The following NOC4L variants were observed in gnomAD, a reference collection of about 807,000 sequenced individuals.
NOC4L encodes nucleolar complex protein 4 homolog.
NOC4L carries 40 observed loss-of-function variants against 62.8 expected under a neutral mutation model. The observed-to-expected ratio is 0.64, with a 90% CI of 0.49 to 0.83. The LOEUF is 0.83. Ranked by LOEUF, NOC4L falls within the 40% of genes least tolerant of loss-of-function variation. The pLI is 0.00. For synonymous variants in NOC4L, 433 were observed against 299.8 expected (o/e 1.44, Z -4.59); for missense variants, 927 against 701.9 (o/e 1.32, Z -3.62).
chr12:132,144,784 T>TG, intron 1 of NOC4L, 70 bp from the exon 2 acceptor site: 1 of 1,534,540 alleles, frequency 6.5e-7, no homozygotes, highest in South Asian at 1.2e-5. Flanking sequence ...GGGAACGGGT[T>TG]GGGGGCAGCC....
Position 132,151,314 on chromosome 12 carries a change from A to T in NOC4L, c.1019A>T (p.His340Leu), listed in dbSNP as rs1213744628. The T allele has an allele frequency of 2.5e-6, 4 of 1,611,498 alleles. No homozygotes were observed. Among genetic ancestry groups the T allele is most frequent in the Non-Finnish European group, 3.4e-6 (4 of 1,179,898 alleles). The change falls in exon 11 of 15, where the codon CAC becomes CTC. Residue 340 changes from histidine (H) to leucine (L), a missense_variant. Coordinates refer to ENST00000330579, the MANE Select transcript of NOC4L (RefSeq NM_024078.3). ...LYGLLDPSVF[H>L]VKYRARFFHL... Reference sequence around the variant, plus strand: ...GGCCTCTTGGACCCCTCTGTCTTTCACGTCAAGTACCGCGCCCGCTTCTTC... The same window carrying T: ...GGCCTCTTGGACCCCTCTGTCTTTCTCGTCAAGTACCGCGCCCGCTTCTTC...
chr12:132,148,737 G>GGCC, intron 8 of NOC4L, 47 bp from the exon 9 acceptor site: 2 of 1,181,232 alleles, frequency 1.7e-6, no homozygotes, highest in South Asian at 3.2e-5. Context: ...CGACCCGCCG[G>GGCC]CCCCCGCCCA....
chr12:132,145,181 A>G (rs1269882752), intron 2 of NOC4L, among the ~76,000 whole-genome samples: 2 of 152,124 alleles, frequency 1.3e-5, no homozygotes, highest in African/African-American at 2.4e-5. Context: ...AACACTGGAC[A>G]AGGTACGACT....
rs182330594 is a variant in NOC4L, at chr12:132,147,152, C to G, written c.346-129C>G. On this transcript the variant is annotated intron_variant, in intron 3 of 14. Coordinates refer to ENST00000330579, the MANE Select transcript of NOC4L (RefSeq NM_024078.3). ...GAGTGGCATCTGGTGGCGTGTGGAG[C>G]AAGAGAAGGCCCGGCCGCCCTTTTC... The G allele has an allele frequency of 3.2e-5, 19 of 599,952 alleles. No individual in the cohort carries two copies. The East Asian group carries it at 4.8e-4, about 15-fold the overall frequency. 37.2% of individuals were successfully genotyped at this position (599,952 alleles called of 1,614,324 possible).
intron 3 of NOC4L, among the ~76,000 whole-genome samples, chr12:132,146,016 G>A (rs1284366835): frequency 6.6e-6 from 1 of 152,190 alleles, no homozygotes; most frequent in Admixed American, 6.5e-5. Context: ...AATCTGTAGT[G>A]AGGAATAACT....
In NOC4L at chr12:132,151,036, C is replaced by T. The variant is rs77081180; in HGVS notation, c.957C>T (p.His319=). 34,702 of 1,610,482 alleles carry T rather than the reference C, an allele frequency of 0.022. 3,498 individuals are homozygous for T. The East Asian group carries it at 0.36, about 17-fold the overall frequency. The change falls in exon 10 of 15, where the codon CAC becomes CAT. Residue 319 remains histidine, a synonymous_variant. Coordinates refer to ENST00000330579, the MANE Select transcript of NOC4L (RefSeq NM_024078.3). ...LNGLFILIHK[H]NLEYPDFYRK... is the part of the protein sequence containing the mutation. ...GGCTGTTCATCTTGATTCACAAACA[C>T]AACCTGTGAGTGTCACCAGGGGTGC...
At chr12:132,151,986 G>A (rs1190545065) in intron 13 of NOC4L, 98 bp from the exon 14 acceptor site, 58 of 1,325,214 alleles carry the variant, frequency 4.4e-5, no homozygotes, top group South Asian at 7.8e-5. Flanking sequence ...GCTCCGTCCC[G>A]ACCCCGCCCA....
intron 8 of NOC4L, 51 bp downstream of exon 8, chr12:132,148,710 G>A: frequency 1.4e-6 from 2 of 1,442,094 alleles, no homozygotes; most frequent in South Asian, 2.5e-5. Flanking sequence ...GTCTCCCCCA[G>A]GGCGGAGGCC....
chr12:132,150,838 G>A (rs1359018009), intron 9 of NOC4L, 143 bp from the exon 10 acceptor site: 3 of 669,140 alleles, frequency 4.5e-6, no homozygotes, highest in Non-Finnish European at 7.9e-6. Flanking sequence ...CCTGCATGTG[G>A]TCTCCAGCTT....
intron 3 of NOC4L, among the ~76,000 whole-genome samples, chr12:132,145,956 A>G (rs1272363372): frequency 6.6e-6 from 1 of 152,224 alleles, no homozygotes; most frequent in Non-Finnish European, 1.5e-5. Flanking sequence ...GTGTTTGCTC[A>G]GATCACACTG....
chr12:132,150,855 C>T (rs1029664362), intron 9 of NOC4L, 126 bp from the exon 10 acceptor site: 45 of 713,046 alleles, frequency 6.3e-5, no homozygotes, highest in Middle Eastern at 3.5e-4. Context: ...GCTTTGTGTC[C>T]GTGGGGGCTG....
At chr12:132,148,217 G>A (rs1461746318) in intron 7 of NOC4L, 111 bp downstream of exon 7, 15 of 1,154,472 alleles carry the variant, frequency 1.3e-5, no homozygotes, top group Non-Finnish European at 1.9e-5. Flanking sequence ...AACTCCCAGG[G>A]TACAGGTGGC....
Position 132,147,760 on chromosome 12 carries a change from G to A in NOC4L, c.581G>A (p.Arg194Gln), listed in dbSNP as rs749375574. 12 of 1,612,612 alleles carry A rather than the reference G, an allele frequency of 7.4e-6. No individual in the cohort carries two copies. The highest frequency in any genetic ancestry group is 5.3e-5 in the African/African-American group (4 of 74,916). The change falls in exon 5 of 15, where the codon CGG becomes CAG. Residue 194 changes from arginine to glutamine, a missense_variant. Transcript: ENST00000330579. The stretch of plus-strand genomic sequence containing the variant: ...CAGGCAGCCGTGGATGCCGTGGCCC[G>A]GGTCACTGGCCAGCACCCCGAGGTG... ...TMQAAVDAVA[R>Q]VTGQHPEVPP...
At chr12:132,146,396 C>T in intron 3 of NOC4L, 1 of 450,620 alleles carries the variant, frequency 2.2e-6, no homozygotes, top group South Asian at 1.6e-5. Flanking sequence ...GTCGTTTCCA[C>T]CTTTGGCTGT....
intron 2 of NOC4L, among the ~76,000 whole-genome samples, chr12:132,145,326 G>A (rs915923889): frequency 6.6e-6 from 1 of 152,240 alleles, no homozygotes; most frequent in Non-Finnish European, 1.5e-5. Flanking sequence ...TGTGGATCCT[G>A]CTCCTGGCAG....
At chr12:132,145,864 C>T (rs760878879) in intron 3 of NOC4L, among the ~76,000 whole-genome samples, 199 bp downstream of exon 3, 14 of 152,166 alleles carry the variant, frequency 9.2e-5, no homozygotes, top group East Asian at 1.9e-4. Flanking sequence ...ACGCAGAATC[C>T]GTGTTCATTT....
intron 3 of NOC4L, among the ~76,000 whole-genome samples, chr12:132,145,913 C>T (rs1452508550): frequency 6.6e-6 from 1 of 152,196 alleles, no homozygotes; most frequent in Non-Finnish European, 1.5e-5. Flanking sequence ...TTGCATAGAG[C>T]ACGCACACCA....
At chr12:132,152,253 T>C (rs373484880) in intron 14 of NOC4L, 29 bp from the exon 15 acceptor site, 6 of 1,591,898 alleles carry the variant, frequency 3.8e-6, no homozygotes, top group East Asian at 2.3e-5. Context: ...GAGCCAAGCC[T>C]GAGAGCCGCC....
chr12:132,151,117 C>G, intron 10 of NOC4L, 76 bp downstream of exon 10: 1 of 1,467,240 alleles, frequency 6.8e-7, no homozygotes, highest in Non-Finnish European at 9.5e-7. Flanking sequence ...CCACCCTGCC[C>G]CACGGGGTCC....
Sources: allele counts gnomAD v4.1 joint callset (sites outside exome capture counted in the v4.1 genomes callset), GRCh38; gene constraint gnomAD v4.1.1; transcripts MANE v1.5; gene names NCBI Gene and HGNC (gene_info 2026-07-23, HGNC 2026-07-21).